ZDHHC14: variants seen among roughly 807,000 people sequenced by gnomAD.
ZDHHC14 encodes the protein palmitoyltransferase ZDHHC14.
A neutral mutation model predicts 47.7 loss-of-function variants in ZDHHC14; 16 were observed. That is an observed-to-expected ratio of 0.34 (90% confidence interval 0.23 to 0.51). ZDHHC14 has a LOEUF of 0.51. Ranked by LOEUF, ZDHHC14 falls within the 20% of genes least tolerant of loss-of-function variation. ZDHHC14 has a pLI of 0.97. For synonymous variants in ZDHHC14, 293 were observed against 278.9 expected (o/e 1.05, Z -0.50); for missense variants, 515 against 662.5 (o/e 0.78, Z 2.44).
Position 157,675,981 on chromosome 6 carries a change from T to C in ZDHHC14, c.*2859T>C, listed in dbSNP as rs1166686987. The C allele has an allele frequency of 6.6e-6, 1 of 152,206 alleles. No homozygotes were observed. Among genetic ancestry groups the C allele is most frequent in the Non-Finnish European group, 1.5e-5 (1 of 68,036 alleles). 9.4% of individuals were successfully genotyped at this position (152,206 alleles called of 1,614,324 possible). A position where few individuals can be genotyped will look rare whatever the true frequency, so the allele number is the denominator to read the frequency against. On this transcript the variant is annotated 3_prime_UTR_variant, in exon 9 of 9. Coordinates refer to ENST00000359775, the MANE Select transcript of ZDHHC14 (RefSeq NM_024630.3). ...TCATCTGCGTTCGTTCTCCCAGGAG[T>C]GCTCCAGGGAACCACAGGCTTCCCG... is the stretch of plus-strand genomic sequence containing the variant.
intron 8 of ZDHHC14, among the ~76,000 whole-genome samples, chr6:157,661,099 G>A (rs1051170320): frequency 2.6e-5 from 4 of 151,984 alleles, no homozygotes; most frequent in Admixed American, 1.3e-4. Context: ...TGTGTGGGGC[G>A]AAACGTCCTG....
At chr6:157,522,553 C>A (rs1249645233) in intron 1 of ZDHHC14, among the ~76,000 whole-genome samples, 3 of 151,910 alleles carry the variant, frequency 2.0e-5, no homozygotes, top group African/African-American at 7.3e-5. Context: ...GAAATACAGG[C>A]TCAGGAAACA....
At chr6:157,540,384 A>G in intron 1 of ZDHHC14, among the ~76,000 whole-genome samples, 1 of 152,214 alleles carries the variant, frequency 6.6e-6, no homozygotes, top group South Asian at 2.1e-4. Context: ...AGCCTTTGCA[A>G]CTTTGAGCAG....
rs1160288460 is a variant in ZDHHC14, at chr6:157,403,325, G to A, written c.245+21059G>A. Among the ~76,000 whole-genome samples the A allele has an allele frequency of 2.0e-5, 3 of 152,310 alleles. No homozygotes were observed. The East Asian group carries it at 5.8e-4, about 29-fold the overall frequency. ...CGAAATAACCTGCTAGGTTATGAATGAAAGCATATATTTTGTGAAATTTGT... is the reference window on the plus strand; with the variant it reads ...CGAAATAACCTGCTAGGTTATGAATAAAAGCATATATTTTGTGAAATTTGT... On this transcript the variant is annotated intron_variant, in intron 1 of 8. Coordinates refer to ENST00000359775, the MANE Select transcript of ZDHHC14 (RefSeq NM_024630.3).
At chr6:157,662,532 CAG>C (rs1229719225) in intron 8 of ZDHHC14, among the ~76,000 whole-genome samples, 3 of 152,274 alleles carry the variant, frequency 2.0e-5, no homozygotes, top group Non-Finnish European at 4.4e-5. Context: ...ATTCCCCTCA[CAG>C]GGGCTCGCAC....
intron 1 of ZDHHC14, among the ~76,000 whole-genome samples, chr6:157,438,909 A>T (rs1778501145): frequency 6.6e-6 from 1 of 152,230 alleles, no homozygotes; most frequent in African/African-American, 2.4e-5. Flanking sequence ...ATAAATTCAG[A>T]GTATTGTCTG....
intron 1 of ZDHHC14, among the ~76,000 whole-genome samples, chr6:157,433,694 G>A (rs933753212): frequency 1.3e-5 from 2 of 152,216 alleles, no homozygotes; most frequent in East Asian, 1.9e-4. Context: ...TCAGGACCGA[G>A]TGTGTGTGCT....
At chr6:157,521,940 G>A (rs957855380) in intron 1 of ZDHHC14, among the ~76,000 whole-genome samples, 2 of 152,152 alleles carry the variant, frequency 1.3e-5, no homozygotes, top group African/African-American at 4.8e-5. Flanking sequence ...GAAACTCGAA[G>A]GCCATCAAAT....
intron 2 of ZDHHC14, among the ~76,000 whole-genome samples, chr6:157,579,454 C>A (rs1333880761): frequency 6.6e-6 from 1 of 152,070 alleles, no homozygotes; most frequent in Non-Finnish European, 1.5e-5. Flanking sequence ...ACCTCAGCCT[C>A]CCAAAGTGCT....
chr6:157,504,662 C>A lies in ZDHHC14; in HGVS notation c.246-37923C>A, dbSNP rs182002338. Among the ~76,000 whole-genome samples the A allele has an allele frequency of 7.4e-4, 112 of 151,770 alleles. 1 individual carries two copies. The East Asian group carries it at 0.019, about 25-fold the overall frequency. On this transcript the variant is annotated intron_variant, in intron 1 of 8. Transcript: ENST00000359775. ...CTGACCTCAGGTGATCTGCCCACCT[C>A]GGCCTCCCAAAGTGTTGGGGTTACA...
At chr6:157,438,452 C>G (rs1352946972) in intron 1 of ZDHHC14, among the ~76,000 whole-genome samples, 1 of 152,220 alleles carries the variant, frequency 6.6e-6, no homozygotes, top group South Asian at 2.1e-4. Flanking sequence ...CAGCAAGACT[C>G]TTGAAGACAA....
intron 5 of ZDHHC14, 41 bp from the exon 6 acceptor site, chr6:157,645,696 C>G (rs374644473): frequency 2.2e-5 from 34 of 1,543,414 alleles, no homozygotes; most frequent in Non-Finnish European, 2.9e-5. Flanking sequence ...CCACTTCTTG[C>G]GCGGTCCCTC....
intron 2 of ZDHHC14, among the ~76,000 whole-genome samples, chr6:157,552,747 T>C (rs1430867929): frequency 1.3e-5 from 2 of 152,146 alleles, no homozygotes; most frequent in Non-Finnish European, 2.9e-5. Context: ...AGGCCTTCCC[T>C]GCAGAGCCTC....
intron 8 of ZDHHC14, among the ~76,000 whole-genome samples, chr6:157,660,957 T>G (rs1778320001): frequency 6.6e-6 from 1 of 152,154 alleles, no homozygotes; most frequent in African/African-American, 2.4e-5. Flanking sequence ...TGTGACAGAC[T>G]GTTGGGGGAG....
At chr6:157,482,721 G>A (rs888298945) in intron 1 of ZDHHC14, among the ~76,000 whole-genome samples, 1 of 151,366 alleles carries the variant, frequency 6.6e-6, no homozygotes, top group South Asian at 2.1e-4. Context: ...GGATGACACC[G>A]AATGGTTTTA....
intron 1 of ZDHHC14, among the ~76,000 whole-genome samples, chr6:157,434,916 G>A (rs1235069330): frequency 6.6e-6 from 1 of 152,184 alleles, no homozygotes; most frequent in East Asian, 1.9e-4. Context: ...GATCTGCTCA[G>A]GGCTTCCCTT....
At chr6:157,474,622 A>T (rs890013194) in intron 1 of ZDHHC14, among the ~76,000 whole-genome samples, 2 of 152,176 alleles carry the variant, frequency 1.3e-5, no homozygotes, top group Non-Finnish European at 2.9e-5. Context: ...GTGTGAGGTG[A>T]TATCTCATTG....
intron 1 of ZDHHC14, among the ~76,000 whole-genome samples, chr6:157,488,414 A>C (rs780407949): frequency 3.3e-5 from 5 of 152,174 alleles, no homozygotes; most frequent in Non-Finnish European, 5.9e-5. Context: ...TGGTCCAAAC[A>C]ACCCTCAATT....
intron 1 of ZDHHC14, among the ~76,000 whole-genome samples, chr6:157,510,302 A>C (rs1385961264): frequency 6.6e-6 from 1 of 152,178 alleles, no homozygotes; most frequent in African/African-American, 2.4e-5. Context: ...CACACTTGCC[A>C]CTGCTTCCAC....
Sources: allele counts gnomAD v4.1 joint callset (sites outside exome capture counted in the v4.1 genomes callset), GRCh38; gene constraint gnomAD v4.1.1; transcripts MANE v1.5; gene names NCBI Gene and HGNC (gene_info 2026-07-23, HGNC 2026-07-21).